The following SLC25A37 variants were observed in gnomAD, a reference collection of about 807,000 sequenced individuals.
The protein encoded by SLC25A37 is mitoferrin-1.
Under a neutral mutation model 31.0 loss-of-function variants are expected in SLC25A37, and 17 were observed. That is an observed-to-expected ratio of 0.55 (90% CI 0.38 to 0.82). The LOEUF (loss-of-function observed/expected upper bound fraction) is 0.82, where lower values mean the gene tolerates loss of function less well. Among genes scored for constraint, SLC25A37 ranks in the 40% least tolerant of loss-of-function variants. SLC25A37 has a pLI of 0.00. For missense variants in SLC25A37, 404 were observed against 465.8 expected, an observed-to-expected ratio of 0.87 and a Z score of 1.22; for synonymous variants, 222 against 193.0, an observed-to-expected ratio of 1.15 and a Z score of -1.24.
intron 1 of SLC25A37, among the ~76,000 whole-genome samples, chr8:23,559,028 T>G (rs116384895): frequency 6.6e-6 from 1 of 152,226 alleles, no homozygotes; most frequent in African/African-American, 2.4e-5. Flanking sequence ...TAGGTTCCCA[T>G]TGGCTACGGC....
intron 3 of SLC25A37, among the ~76,000 whole-genome samples, 160 bp from the exon 4 acceptor site, chr8:23,571,175 G>T (rs1490907782): frequency 6.6e-6 from 1 of 152,250 alleles, no homozygotes; most frequent in Admixed American, 6.5e-5. Flanking sequence ...CTCCGCGGCT[G>T]CTCAGACTAG....
chr8:23,556,039 A>C (rs1389621580), intron 1 of SLC25A37, among the ~76,000 whole-genome samples: 1 of 152,140 alleles, frequency 6.6e-6, no homozygotes, highest in Non-Finnish European at 1.5e-5. Flanking sequence ...AGTTTTCACC[A>C]GAGACTTTTC....
chr8:23,534,497 T>A (rs1801724676), intron 1 of SLC25A37, among the ~76,000 whole-genome samples: 1 of 152,194 alleles, frequency 6.6e-6, no homozygotes, highest in East Asian at 1.9e-4. Flanking sequence ...ACTTCTCTCA[T>A]TTTTCCAGTG....
chr8:23,560,726 G>T lies in SLC25A37; in HGVS notation c.211-5382G>T, dbSNP rs368315346. On this transcript the variant is annotated intron_variant, in intron 1 of 3. Transcript: ENST00000519973. ...CTGCCCTTGAGTAAACCACCCTGAGGACAGAGAAGTCCACTGAGGTGCGGT... is the reference window on the plus strand; with the variant it reads ...CTGCCCTTGAGTAAACCACCCTGAGTACAGAGAAGTCCACTGAGGTGCGGT... Among the ~76,000 whole-genome samples, 8 of 152,340 alleles carry T rather than the reference G, an allele frequency of 5.3e-5. No individual in the cohort carries two copies. The South Asian group carries it at 1.7e-3, about 32-fold the overall frequency.
intron 1 of SLC25A37, among the ~76,000 whole-genome samples, chr8:23,534,052 G>A (rs1162504279): frequency 2.6e-5 from 4 of 152,062 alleles, no homozygotes; most frequent in Non-Finnish European, 5.9e-5. Flanking sequence ...GGGCTTGAGT[G>A]ATCCTCCCAG....
chr8:23,540,293 G>T (rs2117394189), intron 1 of SLC25A37, among the ~76,000 whole-genome samples: 2 of 152,344 alleles, frequency 1.3e-5, no homozygotes, highest in South Asian at 4.1e-4. Flanking sequence ...CAAGCCAGTA[G>T]GATGTTGGAT....
intron 1 of SLC25A37, among the ~76,000 whole-genome samples, chr8:23,548,605 G>A (rs757900348): frequency 2.0e-4 from 30 of 151,816 alleles, no homozygotes; most frequent in Non-Finnish European, 3.2e-4. Context: ...CAAGTAGCTG[G>A]GATTACAGGC....
chr8:23,536,126 C>T (rs1264367374), intron 1 of SLC25A37, among the ~76,000 whole-genome samples: 1 of 152,118 alleles, frequency 6.6e-6, no homozygotes, highest in Non-Finnish European at 1.5e-5. Context: ...TTGAGTGACT[C>T]GGTTCCAGGA....
chr8:23,566,487 GACACACGCACGCACAC>G (rs1235579970), intron 2 of SLC25A37, 151 bp downstream of exon 2: 4 of 1,439,814 alleles, frequency 2.8e-6, no homozygotes, highest in Non-Finnish European at 3.6e-6. Flanking sequence ...TGCACACCCA[GACACACGCACGCACAC>G]ACACGCGCGC....
intron 1 of SLC25A37, among the ~76,000 whole-genome samples, chr8:23,550,631 G>C (rs565587456): frequency 6.6e-6 from 1 of 152,222 alleles, no homozygotes; most frequent in African/African-American, 2.4e-5. Flanking sequence ...CAGCTTACGC[G>C]CAGCTAGGTG....
intron 1 of SLC25A37, among the ~76,000 whole-genome samples, chr8:23,552,316 G>C (rs557736885): frequency 4.5e-4 from 68 of 152,360 alleles, no homozygotes; most frequent in Non-Finnish European, 7.8e-4. Flanking sequence ...ATCTCAGGAA[G>C]CATGGTTAGG....
rs540326308 is a variant in SLC25A37 at position 23,548,574 on chromosome 8, G to A, written c.211-17534G>A. Among the ~76,000 whole-genome samples the A allele has an allele frequency of 1.4e-4, 21 of 150,886 alleles. No homozygotes were observed. The South Asian group carries it at 1.5e-3, about 11-fold the overall frequency. ...TAACCTCCACCTCCTGGGTTCAAGC[G>A]ATGCTACTGCCTCAGCCTCCCAAGT... On this transcript the variant is annotated intron_variant, in intron 1 of 3. Transcript: ENST00000519973.
chr8:23,551,857 A>T (rs1041561411), intron 1 of SLC25A37, among the ~76,000 whole-genome samples: 1 of 152,134 alleles, frequency 6.6e-6, no homozygotes, highest in Non-Finnish European at 1.5e-5. Context: ...CAGAAACTGA[A>T]AGGTGTGTTG....
intron 1 of SLC25A37, among the ~76,000 whole-genome samples, chr8:23,533,973 G>A (rs185958821): frequency 5.4e-4 from 82 of 151,706 alleles, no homozygotes; most frequent in African/African-American, 1.8e-3. Flanking sequence ...TTTGAGACAG[G>A]GTCTCGGTCT....
chr8:23,552,814 A>G (rs998802781), intron 1 of SLC25A37, among the ~76,000 whole-genome samples: 20 of 152,184 alleles, frequency 1.3e-4, no homozygotes, highest in Admixed American at 1.3e-4. Context: ...AGCCCGGGCA[A>G]GTCTAACTGT....
intron 1 of SLC25A37, among the ~76,000 whole-genome samples, chr8:23,533,940 C>T (rs903657207): frequency 1.5e-5 from 1 of 68,398 alleles, no homozygotes; most frequent in Admixed American, 2.0e-4. Flanking sequence ...TTTTCTCCCT[C>T]TCTCTCTCTT....
intron 1 of SLC25A37, among the ~76,000 whole-genome samples, chr8:23,543,362 A>G (rs1404774947): frequency 6.6e-6 from 1 of 152,080 alleles, no homozygotes; most frequent in East Asian, 1.9e-4. Context: ...ACCACGCCCA[A>G]CCTTGAAATT....
chr8:23,558,635 C>T (rs745480766), intron 1 of SLC25A37, among the ~76,000 whole-genome samples: 59 of 152,180 alleles, frequency 3.9e-4, no homozygotes, highest in South Asian at 6.2e-4. Context: ...TCTAGCTTTG[C>T]TAGGAGTTTG....
At chr8:23,549,297 A>G (rs1802159358) in intron 1 of SLC25A37, among the ~76,000 whole-genome samples, 1 of 151,626 alleles carries the variant, frequency 6.6e-6, no homozygotes, top group African/African-American at 2.4e-5. Context: ...TCCTCCTCTC[A>G]CTTTTGGAAA....
Sources: gnomAD v4.1 joint callset for allele counts (sites outside exome capture counted in the v4.1 genomes callset) on GRCh38, gnomAD v4.1.1 for gene constraint, MANE v1.5 for transcripts, NCBI Gene and HGNC (gene_info 2026-07-23, HGNC 2026-07-21) for gene names.